CMTM8: variants seen among roughly 807,000 people sequenced by gnomAD.
CMTM8 encodes the protein CKLF-like MARVEL transmembrane domain-containing protein 8.
In CMTM8, 12 loss-of-function variants were observed where a neutral mutation model predicts 18.6. The ratio of observed to expected loss-of-function variants is 0.65; its 90% CI spans 0.41 to 1.05. The LOEUF (loss-of-function observed/expected upper bound fraction) is 1.05. Ranked by LOEUF, CMTM8 falls within the 50% of genes least tolerant of loss-of-function variation. The pLI is 0.00. For synonymous variants in CMTM8, 87 were observed against 90.6 expected (o/e 0.96, Z 0.23); for missense variants, 217 against 227.2 (o/e 0.95, Z 0.29).
chr3:32,261,720 A>G (rs6802385), intron 1 of CMTM8, among the ~76,000 whole-genome samples: 151,368 of 152,240 alleles, frequency 0.99, 75,264 homozygotes, highest in Middle Eastern at 1. Context: ...TTCTACTTGA[A>G]CCATGATTTG....
At chr3:32,288,742 T>C (rs1210693734) in intron 1 of CMTM8, among the ~76,000 whole-genome samples, 3 of 152,192 alleles carry the variant, frequency 2.0e-5, no homozygotes, top group Admixed American at 2.0e-4. Flanking sequence ...CCTCGTGATA[T>C]GCCCGCCTTG....
intron 1 of CMTM8, among the ~76,000 whole-genome samples, chr3:32,281,092 A>ACT (rs1297422394): frequency 1.3e-5 from 2 of 152,058 alleles, no homozygotes; most frequent in African/African-American, 4.8e-5. Flanking sequence ...GCATGGGGAC[A>ACT]ATCCTGAGGT....
chr3:32,357,987 A>G (rs1216447196), intron 2 of CMTM8, among the ~76,000 whole-genome samples: 2 of 152,198 alleles, frequency 1.3e-5, no homozygotes, highest in Non-Finnish European at 2.9e-5. Flanking sequence ...CACATTGTGT[A>G]TGGAGTTAGA....
At chr3:32,325,599 C>G (rs571491699) in intron 1 of CMTM8, among the ~76,000 whole-genome samples, 1 of 152,304 alleles carries the variant, frequency 6.6e-6, no homozygotes, top group African/African-American at 2.4e-5. Flanking sequence ...AAGGCGAGGC[C>G]TGAAACTACC....
intron 1 of CMTM8, among the ~76,000 whole-genome samples, chr3:32,279,153 T>G (rs1702565704): frequency 1.4e-5 from 2 of 142,580 alleles, no homozygotes; most frequent in Non-Finnish European, 3.0e-5. Context: ...TCTGTATTTT[T>G]CTTATAATTA....
intron 1 of CMTM8, among the ~76,000 whole-genome samples, chr3:32,340,539 A>T (rs141591005): frequency 6.6e-6 from 1 of 152,358 alleles, no homozygotes; most frequent in Non-Finnish European, 1.5e-5. Flanking sequence ...CAGTACACAT[A>T]TATGTGCATG....
At chr3:32,360,809 T>G (rs1451417371) in intron 2 of CMTM8, among the ~76,000 whole-genome samples, 1 of 152,230 alleles carries the variant, frequency 6.6e-6, no homozygotes, top group Non-Finnish European at 1.5e-5. Flanking sequence ...CTACTCTAAT[T>G]CTGATTTGTA....
At chr3:32,275,410 A>G (rs1702501502) in intron 1 of CMTM8, among the ~76,000 whole-genome samples, 1 of 152,164 alleles carries the variant, frequency 6.6e-6, no homozygotes, top group African/African-American at 2.4e-5. Context: ...AATATTTAAC[A>G]TGTTAAAGCA....
intron 1 of CMTM8, among the ~76,000 whole-genome samples, chr3:32,323,880 C>T (rs1156579372): frequency 6.6e-6 from 1 of 152,176 alleles, no homozygotes; most frequent in African/African-American, 2.4e-5. Context: ...ATACTTAGGA[C>T]GCCCATGCTA....
chr3:32,308,984 C>T (rs1356056514), intron 1 of CMTM8, among the ~76,000 whole-genome samples: 1 of 152,156 alleles, frequency 6.6e-6, no homozygotes, highest in Non-Finnish European at 1.5e-5. Flanking sequence ...TCTTCAGACA[C>T]CCATCGTCCT....
intron 1 of CMTM8, among the ~76,000 whole-genome samples, chr3:32,301,007 T>C (rs541885193): frequency 1.1e-4 from 17 of 151,888 alleles, no homozygotes; most frequent in Admixed American, 2.6e-4. Context: ...TTTAAAAATA[T>C]AAAAATCATC....
chr3:32,363,108 C>T (rs1696968073), intron 2 of CMTM8, among the ~76,000 whole-genome samples: 1 of 152,146 alleles, frequency 6.6e-6, no homozygotes, highest in Admixed American at 6.6e-5. Context: ...ATAGTTTTTC[C>T]CATTTTGTAA....
intron 1 of CMTM8, among the ~76,000 whole-genome samples, chr3:32,316,970 A>T (rs1222291103): frequency 6.6e-6 from 1 of 152,218 alleles, no homozygotes; most frequent in Non-Finnish European, 1.5e-5. Context: ...ATTGAACCCT[A>T]GACTTACATA....
intron 1 of CMTM8, among the ~76,000 whole-genome samples, chr3:32,307,147 C>T (rs955397036): frequency 2.6e-5 from 4 of 151,790 alleles, no homozygotes; most frequent in Non-Finnish European, 5.9e-5. Context: ...TGAGACCAGC[C>T]TGGCCAACAT....
chr3:32,290,471 A>G (rs1702760706), intron 1 of CMTM8, among the ~76,000 whole-genome samples: 1 of 152,212 alleles, frequency 6.6e-6, no homozygotes. Context: ...ATGAGTATGG[A>G]TAATGTACAT....
At chr3:32,346,271 T>A (rs76789595) in intron 1 of CMTM8, among the ~76,000 whole-genome samples, 12,349 of 152,252 alleles carry the variant, frequency 0.081, 605 homozygotes, top group East Asian at 0.18. Flanking sequence ...TAACTCCCCA[T>A]GTTTCTCCTC....
intron 1 of CMTM8, among the ~76,000 whole-genome samples, chr3:32,241,068 A>G (rs1276724871): frequency 6.6e-6 from 1 of 152,224 alleles, no homozygotes; most frequent in East Asian, 1.9e-4. Flanking sequence ...GATTGTAGGC[A>G]TGAACCACTG....
chr3:32,301,861 A>T (rs975118526), intron 1 of CMTM8, among the ~76,000 whole-genome samples: 4 of 152,198 alleles, frequency 2.6e-5, no homozygotes, highest in African/African-American at 7.2e-5. Context: ...CAGCCATGTG[A>T]CATTGGGTAA....
intron 1 of CMTM8, among the ~76,000 whole-genome samples, chr3:32,347,196 A>T (rs1464065492): frequency 6.6e-6 from 1 of 151,780 alleles, no homozygotes. Context: ...TTTAGAGCTG[A>T]GTGTTGTAGT....
Sources: allele counts gnomAD v4.1 joint callset (sites outside exome capture counted in the v4.1 genomes callset), GRCh38; gene constraint gnomAD v4.1.1; transcripts MANE v1.5; gene names NCBI Gene and HGNC (gene_info 2026-07-23, HGNC 2026-07-21).